PHKB: variants seen among roughly 807,000 people sequenced by gnomAD.
The protein encoded by PHKB is phosphorylase b kinase regulatory subunit beta.
PHKB carries 122 observed loss-of-function variants against 152.1 expected under a neutral mutation model. That is an observed-to-expected ratio of 0.80 (90% CI 0.69 to 0.93). The LOEUF (loss-of-function observed/expected upper bound fraction) is 0.93, where lower values mean the gene tolerates loss of function less well. Ranked by LOEUF, PHKB falls within the 40% of genes least tolerant of loss-of-function variation. The pLI is 0.00. For synonymous variants in PHKB, 436 were observed against 464.9 expected, an observed-to-expected ratio of 0.94 and a Z score of 0.80; for missense variants, 1,304 against 1,328.4, an observed-to-expected ratio of 0.98 and a Z score of 0.29.
chr16:47,620,397 G>C (rs1429295922), intron 14 of PHKB, among the ~76,000 whole-genome samples: 1 of 152,212 alleles, frequency 6.6e-6, no homozygotes, highest in Admixed American at 6.5e-5. Context: ...TATTTTGATA[G>C]TTCCAATGCA....
chr16:47,636,584 C>T (rs1454158974), intron 14 of PHKB, among the ~76,000 whole-genome samples: 1 of 152,244 alleles, frequency 6.6e-6, no homozygotes. Flanking sequence ...AAAGTTGTGA[C>T]TGAGCCTGGG....
chr16:47,489,679 C>A (rs1411461103), intron 1 of PHKB, among the ~76,000 whole-genome samples: 1 of 152,100 alleles, frequency 6.6e-6, no homozygotes, highest in Non-Finnish European at 1.5e-5. Context: ...CTTTACTGAC[C>A]ATGGGTTAGG....
chr16:47,573,143 C>T (rs181525428), intron 7 of PHKB, among the ~76,000 whole-genome samples: 265 of 152,292 alleles, frequency 1.7e-3, no homozygotes, highest in Middle Eastern at 0.01. Context: ...TAGACAAATT[C>T]AGAGGAGCAG....
Position 47,587,719 on chromosome 16 carries a change from A to G in PHKB, c.826A>G (p.Arg276Gly). The G allele has an allele frequency of 1.2e-6, 2 of 1,613,862 alleles. No individual in the cohort carries two copies. Among genetic ancestry groups the G allele is most frequent in the Non-Finnish European group, 1.7e-6 (2 of 1,179,752 alleles). ...FVDLDAHNRN[R>G]QTLCSLLPRE... ...GGATCTCGATGCTCACAATCGCAAC[A>G]GGCAAACTTTGTGCTCGCTGTTACC... Residue 276 changes from arginine to glycine, a missense_variant, in exon 9 of 31, where the codon AGG becomes GGG. Transcript: ENST00000323584.
At chr16:47,691,055 A>G (rs1974051219) in intron 27 of PHKB, among the ~76,000 whole-genome samples, 1 of 152,164 alleles carries the variant, frequency 6.6e-6, no homozygotes, top group African/African-American at 2.4e-5. Flanking sequence ...CCCCATCTCT[A>G]TAAAAATAAT....
intron 14 of PHKB, among the ~76,000 whole-genome samples, chr16:47,624,093 G>A (rs951539305): frequency 2.0e-5 from 3 of 152,072 alleles, no homozygotes; most frequent in Admixed American, 6.5e-5. Context: ...TAAACTTTAC[G>A]AATCTCCATG....
intron 6 of PHKB, chr16:47,529,345 A>AT (rs759050927): frequency 0.093 from 12,201 of 131,234 alleles, 1,159 homozygotes; most frequent in African/African-American, 0.23. Flanking sequence ...TTAAAAAATA[A>AT]TTTTTTTTTT....
intron 1 of PHKB, among the ~76,000 whole-genome samples, chr16:47,471,836 A>G (rs1339729572): frequency 6.6e-6 from 1 of 152,194 alleles, no homozygotes; most frequent in Non-Finnish European, 1.5e-5. Context: ...TATATGTGTC[A>G]CGAGGTCAGG....
At chr16:47,561,021 T>G (rs1971467380) in intron 7 of PHKB, among the ~76,000 whole-genome samples, 1 of 152,210 alleles carries the variant, frequency 6.6e-6, no homozygotes, top group Non-Finnish European at 1.5e-5. Flanking sequence ...TTTAAAAACA[T>G]GATCCATGGT....
At chr16:47,558,355 A>G (rs991485959) in intron 7 of PHKB, among the ~76,000 whole-genome samples, 1 of 152,180 alleles carries the variant, frequency 6.6e-6, no homozygotes, top group East Asian at 1.9e-4. Context: ...CACGTTGTGC[A>G]CATGTACCCT....
At chr16:47,621,881 T>G (rs185201945) in intron 14 of PHKB, among the ~76,000 whole-genome samples, 2 of 152,182 alleles carry the variant, frequency 1.3e-5, no homozygotes, top group Admixed American at 6.5e-5. Context: ...ATTCAATGCC[T>G]TGATAAAAAA....
In PHKB at chr16:47,651,215, G is replaced by GGC. The variant is rs200535736; in HGVS notation, c.1971+295_1971+296dup. The stretch of plus-strand genomic sequence containing the variant: ...AACCTTGGGCTTTTAGGGGCAAGTT[G>GGC]GCTGACTGTTGGTCCAGTACTCTTT... On this transcript the variant is annotated intron_variant, in intron 20 of 30. Transcript: ENST00000323584. Among the ~76,000 whole-genome samples, 349 of 152,300 alleles carry GGC rather than the reference G, an allele frequency of 2.3e-3. 5 individuals are homozygous for GGC. In the East Asian group the frequency reaches 0.06, roughly 26 times the overall value.
At position 47,599,394 on chromosome 16, in the gene PHKB, G is replaced by A. The variant is rs147214567; in HGVS notation, c.1363+2863G>A. 5.4e-3 allele frequency among the ~76,000 whole-genome samples: 829 copies of A among 152,230 alleles called. 5 individuals are homozygous for A. Among genetic ancestry groups the A allele is most frequent in the Middle Eastern group, 0.01 (3 of 294 alleles). Reference sequence around the variant, plus strand: ...GAATGTTGTTTGAGCAAAGCCTCTAGATAAAATTGACAAGGCTAGTGAATT... The same window carrying A: ...GAATGTTGTTTGAGCAAAGCCTCTAAATAAAATTGACAAGGCTAGTGAATT... On this transcript the variant is annotated intron_variant, in intron 13 of 30. Transcript: ENST00000323584.
At chr16:47,493,937 A>G (rs1021190500) in intron 1 of PHKB, among the ~76,000 whole-genome samples, 13 of 152,352 alleles carry the variant, frequency 8.5e-5, no homozygotes, top group Middle Eastern at 6.8e-3. Context: ...TCTCTAGAGA[A>G]TAACAAATGA....
intron 20 of PHKB, among the ~76,000 whole-genome samples, chr16:47,660,183 A>T (rs1018478550): frequency 4.6e-5 from 7 of 152,200 alleles, no homozygotes; most frequent in Non-Finnish European, 7.4e-5. Context: ...TTTTTTTAAC[A>T]TTTTAATGGT....
At chr16:47,500,211 T>C (rs1490040678) in intron 3 of PHKB, among the ~76,000 whole-genome samples, 1 of 152,092 alleles carries the variant, frequency 6.6e-6, no homozygotes, top group Non-Finnish European at 1.5e-5. Flanking sequence ...CTAATTTTTG[T>C]ATTTTTGATA....
intron 14 of PHKB, among the ~76,000 whole-genome samples, chr16:47,640,018 A>C (rs1393865382): frequency 1.3e-5 from 2 of 152,240 alleles, no homozygotes; most frequent in South Asian, 4.1e-4. Context: ...TTGTTAAATC[A>C]CATTTTCTCT....
intron 7 of PHKB, 76 bp from the exon 8 acceptor site, chr16:47,580,219 A>G: frequency 9.2e-7 from 1 of 1,084,458 alleles, no homozygotes; most frequent in Admixed American, 1.8e-5. Flanking sequence ...TTTGCTCGTG[A>G]ATATTCATCA....
chr16:47,512,199 T>C (rs1379434378), intron 5 of PHKB, among the ~76,000 whole-genome samples: 1 of 152,192 alleles, frequency 6.6e-6, no homozygotes, highest in Non-Finnish European at 1.5e-5. Flanking sequence ...AATTTTCAAA[T>C]TACATTCTAT....
Sources: gnomAD v4.1 joint callset for allele counts (sites outside exome capture counted in the v4.1 genomes callset) on GRCh38, gnomAD v4.1.1 for gene constraint, MANE v1.5 for transcripts, NCBI Gene and HGNC (gene_info 2026-07-23, HGNC 2026-07-21) for gene names.